NIBAN1: variants seen among roughly 807,000 people sequenced by gnomAD.
NIBAN1 encodes niban apoptosis regulator 1, also known as protein Niban 1.
In NIBAN1, 81 loss-of-function variants were observed where a neutral mutation model predicts 75.1. The observed-to-expected ratio is 1.08, with a 90% CI of 0.90 to 1.30. NIBAN1 has a LOEUF of 1.30. NIBAN1 is among the 50% of genes most tolerant of loss of function. The pLI is 0.00. For missense variants in NIBAN1, 1,133 were observed against 1,128.1 expected, an observed-to-expected ratio of 1.00 and a Z score of -0.06; for synonymous variants, 436 against 424.8, an observed-to-expected ratio of 1.03 and a Z score of -0.32.
At chr1:184,969,254 A>C (rs192316121) in intron 1 of NIBAN1, among the ~76,000 whole-genome samples, 145 of 152,294 alleles carry the variant, frequency 9.5e-4, no homozygotes, top group African/African-American at 3.4e-3. Context: ...TGGCTCTCAC[A>C]ATACGAATTA....
At chr1:184,884,028 A>G (rs1464857361) in intron 5 of NIBAN1, among the ~76,000 whole-genome samples, 1 of 152,152 alleles carries the variant, frequency 6.6e-6, no homozygotes, top group East Asian at 1.9e-4. Context: ...AATGGTCTAC[A>G]TGAATAAACT....
intron 1 of NIBAN1, among the ~76,000 whole-genome samples, chr1:184,956,033 G>GTTTT (rs1553231287): frequency 2.9e-4 from 43 of 148,092 alleles, no homozygotes; most frequent in South Asian, 1.3e-3. Flanking sequence ...CTTTTTGTTT[G>GTTTT]TTTTTTTTTT....
In NIBAN1 at chr1:184,795,972, C is replaced by A. The variant is rs35519346; in HGVS notation, c.1792G>T (p.Ala598Ser). Reference protein sequence around the residue: ...PPTGSNQASPARRASAILPGV... With the variant: ...PPTGSNQASPSRRASAILPGV... ...GGCAGAATGGCAGAAGCTCTCCTGG[C>A]AGGGCTGGCCTGGTTTGACCCTGTG... Residue 598 changes from alanine (A) to serine (S), a missense_variant, in exon 14 of 14, where the codon GCC (alanine) becomes TCC (serine). By Grantham distance (99) the Ala-to-Ser change is moderately conservative. Coordinates refer to ENST00000367511, the MANE Select transcript of NIBAN1 (RefSeq NM_052966.4). 1.9e-6 allele frequency: 3 copies of A among 1,614,150 alleles called. No homozygotes were observed. In the East Asian group the frequency reaches 6.7e-5, roughly 36 times the overall value.
intron 1 of NIBAN1, among the ~76,000 whole-genome samples, chr1:184,937,681 C>G (rs1002855970): frequency 1.3e-5 from 2 of 152,164 alleles, no homozygotes; most frequent in African/African-American, 4.8e-5. Flanking sequence ...GTGGGCAAAG[C>G]TAAAGCCAAG....
chr1:184,800,511 A>C (rs1164841584), intron 12 of NIBAN1, among the ~76,000 whole-genome samples: 1 of 151,612 alleles, frequency 6.6e-6, no homozygotes, highest in African/African-American at 2.4e-5. Flanking sequence ...CTAACATTTA[A>C]GTCTTTAATC....
intron 5 of NIBAN1, among the ~76,000 whole-genome samples, chr1:184,853,916 T>G (rs1655607849): frequency 6.6e-6 from 1 of 152,174 alleles, no homozygotes; most frequent in Non-Finnish European, 1.5e-5. Context: ...ATGAAATACA[T>G]TTCATATAAT....
intron 8 of NIBAN1, among the ~76,000 whole-genome samples, chr1:184,822,797 G>A (rs1323741744): frequency 6.6e-6 from 1 of 152,220 alleles, no homozygotes; most frequent in Non-Finnish European, 1.5e-5. Context: ...GGCCCTGGGT[G>A]TACTTGAGTA....
At chr1:184,957,586 C>T (rs1237950932) in intron 1 of NIBAN1, among the ~76,000 whole-genome samples, 1 of 152,178 alleles carries the variant, frequency 6.6e-6, no homozygotes, top group African/African-American at 2.4e-5. Context: ...GGCCTGATGC[C>T]ATTACTGATA....
chr1:184,907,177 G>GT (rs762475263), intron 1 of NIBAN1, among the ~76,000 whole-genome samples: 7 of 151,204 alleles, frequency 4.6e-5, no homozygotes, highest in Admixed American at 2.6e-4. Context: ...AGACTGTTAT[G>GT]TTTTATATCC....
At chr1:184,964,268 C>T (rs961265508) in intron 1 of NIBAN1, among the ~76,000 whole-genome samples, 3 of 152,106 alleles carry the variant, frequency 2.0e-5, no homozygotes, top group Non-Finnish European at 4.4e-5. Flanking sequence ...GTCAGGACTT[C>T]TAGCAAAAGA....
chr1:184,918,572 C>T (rs950096054), intron 1 of NIBAN1, among the ~76,000 whole-genome samples: 3 of 152,188 alleles, frequency 2.0e-5, no homozygotes, highest in Non-Finnish European at 2.9e-5. Context: ...GTTCACCCTT[C>T]CTAGAACCTA....
At chr1:184,871,368 A>AAAG (rs71101951) in intron 5 of NIBAN1, among the ~76,000 whole-genome samples, 21,687 of 121,534 alleles carry the variant, frequency 0.18, 3,123 homozygotes, top group South Asian at 0.23. Context: ...AAAAAAAAAA[A>AAAG]AAAAAGAGGA....
intron 1 of NIBAN1, among the ~76,000 whole-genome samples, chr1:184,923,653 G>A (rs1657613823): frequency 6.6e-6 from 1 of 152,114 alleles, no homozygotes; most frequent in Non-Finnish European, 1.5e-5. Context: ...ATTGCTTTGG[G>A]TTGGGTGGTA....
intron 1 of NIBAN1, among the ~76,000 whole-genome samples, chr1:184,948,664 A>G (rs557199290): frequency 5.1e-4 from 77 of 152,308 alleles, no homozygotes; most frequent in African/African-American, 1.8e-3. Context: ...TACAGGATAT[A>G]CGACAGCCAG....
At chr1:184,875,552 C>T (rs1369753497) in intron 5 of NIBAN1, among the ~76,000 whole-genome samples, 2 of 152,186 alleles carry the variant, frequency 1.3e-5, no homozygotes, top group African/African-American at 2.4e-5. Context: ...GAAAGTCAGG[C>T]AGAAATGATT....
At chr1:184,940,121 G>C (rs915766996) in intron 1 of NIBAN1, among the ~76,000 whole-genome samples, 2 of 152,102 alleles carry the variant, frequency 1.3e-5, no homozygotes, top group African/African-American at 4.8e-5. Context: ...TAGGTGAAGG[G>C]GCCAGGTCCT....
At chr1:184,913,089 C>T (rs1215423799) in intron 1 of NIBAN1, among the ~76,000 whole-genome samples, 2 of 145,798 alleles carry the variant, frequency 1.4e-5, no homozygotes, top group African/African-American at 5.0e-5. Flanking sequence ...GTCTAGTATG[C>T]ACAATATTGC....
intron 5 of NIBAN1, among the ~76,000 whole-genome samples, chr1:184,845,454 C>T (rs995614833): frequency 1.3e-5 from 2 of 152,140 alleles, no homozygotes; most frequent in Non-Finnish European, 2.9e-5. Flanking sequence ...TTGGGGATAA[C>T]TTTAACTGCA....
intron 1 of NIBAN1, among the ~76,000 whole-genome samples, chr1:184,959,276 G>C (rs1427067944): frequency 1.3e-5 from 2 of 152,210 alleles, no homozygotes; most frequent in East Asian, 3.9e-4. Context: ...TAGCAGGGCA[G>C]TACAGCTACA....
Sources: allele counts gnomAD v4.1 joint callset (sites outside exome capture counted in the v4.1 genomes callset), GRCh38; gene constraint gnomAD v4.1.1; transcripts MANE v1.5; gene names NCBI Gene and HGNC (gene_info 2026-07-23, HGNC 2026-07-21).